Variants in IQUB observed in about 807,000 individuals in gnomAD.
The protein encoded by IQUB is IQ motif and ubiquitin-like domain-containing protein.
In IQUB, 86 loss-of-function variants were observed where a neutral mutation model predicts 86.4. The ratio of observed to expected loss-of-function variants is 1.00; its 90% CI spans 0.84 to 1.19. The LOEUF is 1.19. Ranked by LOEUF, IQUB falls within the 50% of genes most tolerant of loss-of-function variation. The pLI, the probability that IQUB is intolerant of heterozygous loss-of-function variation, is 0.00. For synonymous variants in IQUB, 289 were observed against 304.5 expected, an observed-to-expected ratio of 0.95 and a Z score of 0.53; for missense variants, 946 against 916.9, an observed-to-expected ratio of 1.03 and a Z score of -0.41.
At chr7:123,519,589 T>C (rs1332324953) in intron 1 of IQUB, among the ~76,000 whole-genome samples, 1 of 152,048 alleles carries the variant, frequency 6.6e-6, no homozygotes, top group Non-Finnish European at 1.5e-5. Context: ...AAGTAGGAGC[T>C]TAAAAAGTTG....
Position 123,502,580 on chromosome 7 carries a change from A to T in IQUB, c.1023+17T>A. 6.2e-7 allele frequency: 1 copy of T among 1,606,044 alleles called. No individual in the cohort carries two copies. The highest frequency in any genetic ancestry group is 1.1e-5 in the South Asian group (1 of 88,940). ...TATCAAATTTTTAGTATTCATCCAC[A>T]ATAAAAGTTATCTCACCGCCTTTAG... On this transcript the variant is annotated intron_variant, in intron 6 of 12. Transcript: ENST00000324698.
chr7:123,503,827 ACTC>A (rs1796056814), intron 3 of IQUB, among the ~76,000 whole-genome samples: 1 of 151,952 alleles, frequency 6.6e-6, no homozygotes, highest in South Asian at 2.1e-4. Flanking sequence ...AGTACAAAAA[ACTC>A]CATAATAGGA....
chr7:123,496,703 T>C lies in IQUB; in HGVS notation c.1227A>G (p.Ala409=), dbSNP rs766156869. Residue 409 remains alanine, a synonymous_variant, in exon 7 of 13, where the codon GCA becomes GCG. Transcript: ENST00000324698. ...AGCCTGTGTCCAACTTACATTCTAA[T>C]GCATTATAAAGAAATTCAAAATCTT... is the stretch of plus-strand genomic sequence containing the variant. ...TNEDFEFLYN[A]LEFWRQEELT... 15 of 1,586,544 alleles carry C rather than the reference T, an allele frequency of 9.5e-6. No homozygotes were observed. The East Asian group carries it at 2.2e-4, about 24-fold the overall frequency.
chr7:123,475,921 C>T (rs931411107), intron 8 of IQUB, among the ~76,000 whole-genome samples: 2 of 152,172 alleles, frequency 1.3e-5, no homozygotes, highest in African/African-American at 4.8e-5. Context: ...AATATTATAG[C>T]TTTCCTACAG....
chr7:123,523,978 C>T (rs938076692), intron 1 of IQUB, among the ~76,000 whole-genome samples: 35 of 151,728 alleles, frequency 2.3e-4, no homozygotes, highest in East Asian at 5.8e-4. Context: ...CCCCATTGCT[C>T]GTTTTTCTCA....
chr7:123,493,058 C>T (rs959357840), intron 7 of IQUB, among the ~76,000 whole-genome samples: 8 of 152,052 alleles, frequency 5.3e-5, no homozygotes, highest in African/African-American at 1.2e-4. Flanking sequence ...ATAAATAATG[C>T]GGCAGCACTC....
chr7:123,497,985 G>T (rs1356483751), intron 6 of IQUB, among the ~76,000 whole-genome samples: 2 of 151,604 alleles, frequency 1.3e-5, no homozygotes, highest in Non-Finnish European at 2.9e-5. Flanking sequence ...AAAGGGATAG[G>T]TTCCTCTAAA....
intron 7 of IQUB, among the ~76,000 whole-genome samples, chr7:123,492,696 T>C (rs1407718569): frequency 6.6e-6 from 1 of 152,124 alleles, no homozygotes; most frequent in Non-Finnish European, 1.5e-5. Flanking sequence ...TCTTCTGTAC[T>C]CCTTTGGGAG....
At chr7:123,478,381 T>C (rs1456374011) in intron 8 of IQUB, among the ~76,000 whole-genome samples, 2 of 151,984 alleles carry the variant, frequency 1.3e-5, no homozygotes, top group Non-Finnish European at 2.9e-5. Context: ...ATGAGAACAC[T>C]TGGACCCAGG....
At chr7:123,468,043 T>C (rs987816150) in intron 9 of IQUB, among the ~76,000 whole-genome samples, 1 of 152,140 alleles carries the variant, frequency 6.6e-6, no homozygotes, top group Non-Finnish European at 1.5e-5. Flanking sequence ...TATTACCCAA[T>C]AGGGACAGAG....
intron 1 of IQUB, among the ~76,000 whole-genome samples, chr7:123,523,469 T>C (rs1002014886): frequency 2.0e-5 from 3 of 152,276 alleles, no homozygotes; most frequent in African/African-American, 4.8e-5. Context: ...TTGAGCATTT[T>C]TTCATGTGTT....
chr7:123,471,729 T>C (rs1374556461), intron 8 of IQUB, among the ~76,000 whole-genome samples: 1 of 152,182 alleles, frequency 6.6e-6, no homozygotes, highest in Non-Finnish European at 1.5e-5. Context: ...CCTTTCCATT[T>C]TGAACTCAAA....
chr7:123,502,789 C>CTA (rs59251090), intron 5 of IQUB, 37 bp from the exon 6 acceptor site: 53,141 of 1,462,388 alleles, frequency 0.036, 1,192 homozygotes, highest in African/African-American at 0.098. Flanking sequence ...TCAGTATCCC[C>CTA]TATATATATA....
At chr7:123,459,492 G>A (rs1366856612) in intron 11 of IQUB, among the ~76,000 whole-genome samples, 1 of 151,962 alleles carries the variant, frequency 6.6e-6, no homozygotes, top group African/African-American at 2.4e-5. Flanking sequence ...TCTGCCTAAT[G>A]GCCATTGAAT....
At chr7:123,507,479 C>A (rs1796233749) in intron 3 of IQUB, among the ~76,000 whole-genome samples, 1 of 152,174 alleles carries the variant, frequency 6.6e-6, no homozygotes, top group Admixed American at 6.5e-5. Flanking sequence ...TGGGACATAA[C>A]CCAATCACAA....
At chr7:123,467,661 T>A (rs1794324561) in intron 9 of IQUB, among the ~76,000 whole-genome samples, 1 of 152,152 alleles carries the variant, frequency 6.6e-6, no homozygotes, top group African/African-American at 2.4e-5. Flanking sequence ...AATAGAATAC[T>A]TTATAGTTGG....
At chr7:123,502,891 C>T (rs963770411) in intron 5 of IQUB, 53 bp downstream of exon 5, 15 of 1,473,962 alleles carry the variant, frequency 1.0e-5, no homozygotes, top group Non-Finnish European at 1.4e-5. Context: ...TCATACAGTA[C>T]AATTATTGAG....
intron 6 of IQUB, 138 bp from the exon 7 acceptor site, chr7:123,497,044 CACAA>C (rs1318173786): frequency 1.7e-6 from 1 of 592,658 alleles, no homozygotes; most frequent in African/African-American, 1.9e-5. Flanking sequence ...TACATATTTT[CACAA>C]ACACTAACAT....
chr7:123,528,088 T>C (rs1387694439), intron 1 of IQUB, among the ~76,000 whole-genome samples: 1 of 152,186 alleles, frequency 6.6e-6, no homozygotes, highest in African/African-American at 2.4e-5. Context: ...CCAGGTGCCG[T>C]CTGTCACCAC....
Sources: allele counts gnomAD v4.1 joint callset (sites outside exome capture counted in the v4.1 genomes callset), GRCh38; gene constraint gnomAD v4.1.1; transcripts MANE v1.5; gene names NCBI Gene and HGNC (gene_info 2026-07-23, HGNC 2026-07-21).